Variants in ZMYM2 observed in about 807,000 individuals in gnomAD.
ZMYM2 encodes zinc finger MYM-type protein 2.
ZMYM2 carries 56 observed loss-of-function variants against 162.8 expected under a neutral mutation model. That is an observed-to-expected ratio of 0.34 (90% CI 0.28 to 0.43). The LOEUF (loss-of-function observed/expected upper bound fraction) is 0.43, where lower values mean the gene tolerates loss of function less well. Ranked by LOEUF, ZMYM2 falls within the 20% of genes least tolerant of loss-of-function variation. The pLI is 1.00. For synonymous variants in ZMYM2, 510 were observed against 541.6 expected, an observed-to-expected ratio of 0.94 and a Z score of 0.81; for missense variants, 1,275 against 1,621.8, an observed-to-expected ratio of 0.79 and a Z score of 3.67.
In ZMYM2 at chr13:20,051,529, C is replaced by T. The variant is rs1955345939; in HGVS notation, c.2389C>T (p.Leu797=). Residue 797 remains leucine, a synonymous_variant, in exon 13 of 25, where the codon CTG becomes TTG. Transcript: ENST00000610343. ...MKHFCDQHCL[L]RFYCQQNEPN... ...ACATTTCTGTGATCAACATTGCTTA[C>T]TGCGTTTCTACTGTCAACAAAATGA... 4 of 1,613,586 alleles carry T rather than the reference C, an allele frequency of 2.5e-6. No homozygotes were observed. The highest frequency in any genetic ancestry group is 3.4e-6 in the Non-Finnish European group (4 of 1,179,628).
At chr13:19,999,122 A>G (rs1950215238) in intron 3 of ZMYM2, among the ~76,000 whole-genome samples, 1 of 152,192 alleles carries the variant, frequency 6.6e-6, no homozygotes, top group Non-Finnish European at 1.5e-5. Flanking sequence ...ATTAATAGTT[A>G]CCACACCTCA....
the ZMYM2 span, among the ~76,000 whole-genome samples, chr13:19,903,906 G>A: frequency 6.6e-6 from 1 of 151,984 alleles, no homozygotes; most frequent in African/African-American, 2.4e-5. Flanking sequence ...GTTTAGGGAG[G>A]TTTTTTGGGG....
At chr13:19,905,053 C>T in the ZMYM2 span, among the ~76,000 whole-genome samples, 1 of 149,690 alleles carries the variant, frequency 6.7e-6, no homozygotes, top group Non-Finnish European at 1.5e-5. Flanking sequence ...ACTCTGTCTC[C>T]CAGGCTGGAG....
chr13:19,872,838 A>C, the ZMYM2 span, among the ~76,000 whole-genome samples: 1 of 151,918 alleles, frequency 6.6e-6, no homozygotes, highest in South Asian at 2.1e-4. Flanking sequence ...CCGTCTGCCT[A>C]AAATACAAAA....
intron 10 of ZMYM2, among the ~76,000 whole-genome samples, chr13:20,032,097 C>T (rs1566349472): frequency 2.6e-5 from 4 of 152,030 alleles, no homozygotes. Context: ...TCTCGATCTC[C>T]AGACCTCAAC....
chr13:20,036,896 AT>A lies in ZMYM2; in HGVS notation c.2281del (p.Trp761GlyfsTer27). 6.2e-7 allele frequency: 1 copy of A among 1,609,384 alleles called. No homozygotes were observed. The highest frequency in any genetic ancestry group is 1.3e-5 in the African/African-American group (1 of 74,912). On this transcript the variant is annotated frameshift_variant, in exon 12 of 25. Transcript: ENST00000610343. LOFTEE classifies it high-confidence loss of function. ...CSEDCCKKFQDWYYKAARCDC... is the reference protein window; with the variant it reads ...CSEDCCKKFQXWYYKAARCDC... ...GAAGATTGCTGTAAAAAATTTCAGGATTGGTACTACAAGGCGAGTAACTCCT... is the reference window on the plus strand; with the variant it reads ...GAAGATTGCTGTAAAAAATTTCAGGATGGTACTACAAGGCGAGTAACTCCT...
chr13:19,870,286 G>C, the ZMYM2 span, among the ~76,000 whole-genome samples: 1 of 152,112 alleles, frequency 6.6e-6, no homozygotes, highest in Non-Finnish European at 1.5e-5. Flanking sequence ...CTCCCAAGTA[G>C]CTGAGACTAC....
chr13:19,917,990 G>C, the ZMYM2 span, among the ~76,000 whole-genome samples: 5 of 152,126 alleles, frequency 3.3e-5, no homozygotes, highest in African/African-American at 1.2e-4. Context: ...CCGGGAGATG[G>C]AAGTTGCAGT....
intron 9 of ZMYM2, among the ~76,000 whole-genome samples, chr13:20,031,030 T>TA (rs1327803066): frequency 6.6e-6 from 1 of 152,208 alleles, no homozygotes; most frequent in African/African-American, 2.4e-5. Context: ...TGCTTACTGT[T>TA]ACTTCCTTAC....
At chr13:19,950,821 G>T in the ZMYM2 span, among the ~76,000 whole-genome samples, 3 of 152,126 alleles carry the variant, frequency 2.0e-5, no homozygotes, top group East Asian at 5.8e-4. Flanking sequence ...TAAAATCATA[G>T]AATTTATTGA....
rs147777578 is a variant in ZMYM2, at chr13:20,032,286, C to T, written c.1968+851C>T. Among the ~76,000 whole-genome samples the T allele has an allele frequency of 1.2e-3, 179 of 152,158 alleles. 1 individual carries two copies. The Middle Eastern group carries it at 0.017, about 14-fold the overall frequency. ...TTTGACATGTCTCCATTAGCAATAACGCTGATGATTGACTTTTATTTCATA... is the reference window on the plus strand; with the variant it reads ...TTTGACATGTCTCCATTAGCAATAATGCTGATGATTGACTTTTATTTCATA... On this transcript the variant is annotated intron_variant, in intron 10 of 24. Coordinates refer to ENST00000610343, the MANE Select transcript of ZMYM2 (RefSeq NM_197968.4).
the ZMYM2 span, among the ~76,000 whole-genome samples, chr13:19,912,830 T>C: frequency 5.9e-5 from 9 of 152,196 alleles, no homozygotes; most frequent in African/African-American, 2.2e-4. Context: ...GTGTAATTTC[T>C]AGTTGTGTGG....
At position 20,031,195 on chromosome 13, in the gene ZMYM2, G is replaced by T. The variant is rs193101551; in HGVS notation, c.1852-124G>T. The T allele has an allele frequency of 5.6e-4, 337 of 606,012 alleles. 2 individuals carry two copies. The East Asian group carries it at 8.9e-3, about 16-fold the overall frequency. The allele number at this position is 606,012 out of a possible 1,614,324, so 37.5% of individuals were successfully genotyped here. Reference sequence around the variant, plus strand: ...GACAAAATTTGGAAATGAGTTTTATGTGCTGAAAAGATATCTAAGCAAGAT... The same window carrying T: ...GACAAAATTTGGAAATGAGTTTTATTTGCTGAAAAGATATCTAAGCAAGAT... On this transcript the variant is annotated intron_variant, in intron 9 of 24. Transcript: ENST00000610343.
chr13:19,894,625 G>A, the ZMYM2 span, among the ~76,000 whole-genome samples: 1 of 151,934 alleles, frequency 6.6e-6, no homozygotes, highest in Non-Finnish European at 1.5e-5. Context: ...ACAGGCGTGA[G>A]CCACCTTGGC....
chr13:19,986,246 T>C (rs1229401635), intron 2 of ZMYM2, among the ~76,000 whole-genome samples: 1 of 151,956 alleles, frequency 6.6e-6, no homozygotes, highest in Non-Finnish European at 1.5e-5. Flanking sequence ...GGGATAATTC[T>C]GTTTAAAAGC....
At chr13:20,041,666 G>GT (rs1293081420) in intron 12 of ZMYM2, among the ~76,000 whole-genome samples, 1 of 152,124 alleles carries the variant, frequency 6.6e-6, no homozygotes, top group African/African-American at 2.4e-5. Flanking sequence ...ACTTAAGTGT[G>GT]TTTTTGTAGT....
the ZMYM2 span, among the ~76,000 whole-genome samples, chr13:19,910,890 G>A: frequency 5.9e-5 from 9 of 152,092 alleles, no homozygotes; most frequent in Admixed American, 1.3e-4. Context: ...CTGTGGTGTC[G>A]GCAAGTTAAC....
chr13:20,078,834 T>C (rs1472775442), intron 21 of ZMYM2, among the ~76,000 whole-genome samples: 1 of 152,166 alleles, frequency 6.6e-6, no homozygotes, highest in African/African-American at 2.4e-5. Context: ...ACTTTTTAAC[T>C]TTTAAAATGT....
chr13:20,075,126 TATTA>T (rs896318840), intron 21 of ZMYM2, among the ~76,000 whole-genome samples: 9 of 152,208 alleles, frequency 5.9e-5, no homozygotes, highest in African/African-American at 2.2e-4. Context: ...TGCTGTTTAA[TATTA>T]GTTCAAGATG....
Sources: allele counts gnomAD v4.1 joint callset (sites outside exome capture counted in the v4.1 genomes callset), GRCh38; gene constraint gnomAD v4.1.1; transcripts MANE v1.5; gene names NCBI Gene and HGNC (gene_info 2026-07-23, HGNC 2026-07-21).